Variants in GALNT13 observed in about 807,000 individuals in gnomAD.
GALNT13 encodes UDP-GalNAc:polypeptide N-acetylgalactosaminyltransferase 13.
Under a neutral mutation model 64.2 loss-of-function variants are expected in GALNT13, and 28 were observed. The observed-to-expected ratio is 0.44, with a 90% confidence interval of 0.32 to 0.60. The LOEUF (loss-of-function observed/expected upper bound fraction) is 0.60, where lower values mean the gene tolerates loss of function less well. GALNT13 is among the 20% of genes least tolerant of loss of function. GALNT13 has a pLI of 0.05. For missense variants in GALNT13, 577 were observed against 669.8 expected (o/e 0.86, Z 1.53); for synonymous variants, 214 against 224.6 (o/e 0.95, Z 0.42).
chr2:153,762,653 C>T, the GALNT13 span: 1 of 153,234 alleles, frequency 6.5e-6, no homozygotes, highest in African/African-American at 2.4e-5. Flanking sequence ...CCATTTTCTA[C>T]AGCTACTGAG....
At chr2:154,443,898 A>G (rs1012670904) in intron 12 of GALNT13, among the ~76,000 whole-genome samples, 1 of 152,166 alleles carries the variant, frequency 6.6e-6, no homozygotes, top group African/African-American at 2.4e-5. Context: ...GAGGAGAACA[A>G]TAAAGTAATA....
chr2:153,671,828 G>A, the GALNT13 span, among the ~76,000 whole-genome samples: 8 of 151,998 alleles, frequency 5.3e-5, no homozygotes, highest in Non-Finnish European at 8.8e-5. Flanking sequence ...AAAGACACAC[G>A]TAGGCTCAAA....
intron 9 of GALNT13, among the ~76,000 whole-genome samples, chr2:154,334,104 T>C (rs1695312939): frequency 6.6e-6 from 1 of 152,004 alleles, no homozygotes; most frequent in Non-Finnish European, 1.5e-5. Context: ...TATATGATGT[T>C]AAAACATTCC....
the GALNT13 span, among the ~76,000 whole-genome samples, chr2:153,330,857 G>T: frequency 6.6e-6 from 1 of 152,108 alleles, no homozygotes; most frequent in Admixed American, 6.5e-5. Context: ...TCTTCTTCCA[G>T]TTCTCAAGGG....
At chr2:154,148,871 G>T (rs1683790197) in intron 4 of GALNT13, among the ~76,000 whole-genome samples, 2 of 152,148 alleles carry the variant, frequency 1.3e-5, no homozygotes, top group South Asian at 2.1e-4. Flanking sequence ...CTCCCATTTT[G>T]TAGGTTGCCT....
At chr2:153,212,193 C>T in the GALNT13 span, among the ~76,000 whole-genome samples, 1 of 152,124 alleles carries the variant, frequency 6.6e-6, no homozygotes, top group African/African-American at 2.4e-5. Flanking sequence ...ATATCCTTTG[C>T]TGTTTCTCTT....
At chr2:153,280,356 C>T in the GALNT13 span, among the ~76,000 whole-genome samples, 51,854 of 151,854 alleles carry the variant, frequency 0.34, 9,069 homozygotes, top group Middle Eastern at 0.51. Context: ...TTTTGGGTCT[C>T]AAATTCATTT....
At chr2:153,341,373 A>G in the GALNT13 span, among the ~76,000 whole-genome samples, 2 of 152,292 alleles carry the variant, frequency 1.3e-5, no homozygotes, top group Admixed American at 6.5e-5. Flanking sequence ...TGGCTAATAT[A>G]TTATGCCAAA....
At chr2:153,907,341 A>G (rs984624791) in intron 2 of GALNT13, among the ~76,000 whole-genome samples, 2 of 151,766 alleles carry the variant, frequency 1.3e-5, no homozygotes, top group Admixed American at 1.3e-4. Flanking sequence ...ATATAATTAT[A>G]TACATATGTA....
rs115845674 is a variant in GALNT13 at position 154,035,595 on chromosome 2, A to C, written c.142+90956A>C. On this transcript the variant is annotated intron_variant, in intron 3 of 12. Transcript: ENST00000392825. Reference sequence around the variant, plus strand: ...GAACTATGATTTAATTTTTAAATACACTTAAACAGTATGTTAGATTAGCAA... The same window carrying C: ...GAACTATGATTTAATTTTTAAATACCCTTAAACAGTATGTTAGATTAGCAA... 7.7e-3 allele frequency among the ~76,000 whole-genome samples: 1,170 copies of C among 152,170 alleles called. 13 individuals are homozygous for C. The highest frequency in any genetic ancestry group is 0.027 in the African/African-American group (1,106 of 41,560).
chr2:153,886,860 A>G (rs945610739), intron 1 of GALNT13, among the ~76,000 whole-genome samples: 5 of 152,030 alleles, frequency 3.3e-5, no homozygotes, highest in African/African-American at 1.2e-4. Flanking sequence ...TCTTCATTCT[A>G]AGATAAGATA....
At chr2:154,307,608 A>G (rs1205273944) in intron 9 of GALNT13, among the ~76,000 whole-genome samples, 1 of 150,218 alleles carries the variant, frequency 6.7e-6, no homozygotes, top group Non-Finnish European at 1.5e-5. Flanking sequence ...TCAAGAATAG[A>G]TTTTTTTTTT....
At chr2:154,046,614 A>C (rs1415813701) in intron 3 of GALNT13, among the ~76,000 whole-genome samples, 1 of 152,222 alleles carries the variant, frequency 6.6e-6, no homozygotes, top group Admixed American at 6.5e-5. Flanking sequence ...TCATTTCATG[A>C]AGCCCCAAAG....
At position 154,245,872 on chromosome 2, in the gene GALNT13, TG is replaced by T; in HGVS notation, c.750del (p.Ser251GlnfsTer3). The T allele has an allele frequency of 1.2e-6, 2 of 1,613,000 alleles. No individual in the cohort carries two copies. The highest frequency in any genetic ancestry group is 1.7e-6 in the Non-Finnish European group (2 of 1,179,164). On this transcript the variant is annotated frameshift_variant, in exon 7 of 13. Coordinates refer to ENST00000392825, the MANE Select transcript of GALNT13 (RefSeq NM_052917.4). LOFTEE classifies it high-confidence loss of function. ...ISDDTFEYMAGSDMTYGGFNW... is the reference protein window; with the variant it reads ...ISDDTFEYMAXSDMTYGGFNW... Reference sequence around the variant, plus strand: ...GTGATGATACTTTTGAATATATGGCTGGGTCAGACATGACTTATGGGGGTTT... The same window carrying T: ...GTGATGATACTTTTGAATATATGGCTGGTCAGACATGACTTATGGGGGTTT...
intron 9 of GALNT13, among the ~76,000 whole-genome samples, chr2:154,391,686 T>C (rs1698801317): frequency 6.6e-6 from 1 of 152,232 alleles, no homozygotes; most frequent in African/African-American, 2.4e-5. Context: ...TTCCAGTCAT[T>C]GTACTAAACC....
At chr2:153,101,083 T>C in the GALNT13 span, among the ~76,000 whole-genome samples, 1 of 152,198 alleles carries the variant, frequency 6.6e-6, no homozygotes, top group Non-Finnish European at 1.5e-5. Context: ...TTTATAATTA[T>C]GTATGTTATG....
At chr2:153,880,573 C>G (rs1162426523) in intron 1 of GALNT13, among the ~76,000 whole-genome samples, 1 of 152,126 alleles carries the variant, frequency 6.6e-6, no homozygotes, top group Non-Finnish European at 1.5e-5. Flanking sequence ...TCAAGACTCA[C>G]TACCATCTTT....
the GALNT13 span, among the ~76,000 whole-genome samples, chr2:153,343,193 C>G: frequency 1.4e-4 from 21 of 152,208 alleles, 1 homozygote; most frequent in South Asian, 4.4e-3. Flanking sequence ...GGAAAAATGG[C>G]CATGCGTGAT....
At chr2:153,963,972 C>T (rs1041242661) in intron 3 of GALNT13, among the ~76,000 whole-genome samples, 2 of 152,020 alleles carry the variant, frequency 1.3e-5, no homozygotes, top group East Asian at 3.9e-4. Context: ...TTTTCCAATG[C>T]CAAGGCCATG....
Sources: allele counts gnomAD v4.1 joint callset (sites outside exome capture counted in the v4.1 genomes callset), GRCh38; gene constraint gnomAD v4.1.1; transcripts MANE v1.5; gene names NCBI Gene and HGNC (gene_info 2026-07-23, HGNC 2026-07-21).